CDH18: variants seen among roughly 807,000 people sequenced by gnomAD.
CDH18 encodes cadherin-18.
A neutral mutation model predicts 67.9 loss-of-function variants in CDH18; 31 were observed. That is an observed-to-expected ratio of 0.46 (90% CI 0.34 to 0.62). The LOEUF is 0.62. Among genes scored for constraint, CDH18 ranks in the 20% least tolerant of loss-of-function variants. CDH18 has a pLI of 0.01. For synonymous variants in CDH18, 362 were observed against 347.2 expected, an observed-to-expected ratio of 1.04 and a Z score of -0.48; for missense variants, 890 against 975.5, an observed-to-expected ratio of 0.91 and a Z score of 1.17.
intron 9 of CDH18, among the ~76,000 whole-genome samples, chr5:19,528,621 G>A (rs1748117503): frequency 6.6e-6 from 1 of 151,798 alleles, no homozygotes; most frequent in African/African-American, 2.4e-5. Context: ...GCTGTTCGGG[G>A]TTAACACCAC....
chr5:19,536,924 T>C (rs1234483627), intron 9 of CDH18, among the ~76,000 whole-genome samples: 1 of 152,138 alleles, frequency 6.6e-6, no homozygotes, highest in Non-Finnish European at 1.5e-5. Context: ...TTCAAAAATA[T>C]AATGTGTAGT....
intron 2 of CDH18, among the ~76,000 whole-genome samples, chr5:20,204,192 G>T (rs771648588): frequency 2.0e-5 from 3 of 151,886 alleles, no homozygotes; most frequent in Non-Finnish European, 2.9e-5. Flanking sequence ...CTCAAAGCAC[G>T]TAATAACCAA....
At chr5:19,864,668 C>G (rs1468460449) in intron 2 of CDH18, among the ~76,000 whole-genome samples, 1 of 152,100 alleles carries the variant, frequency 6.6e-6, no homozygotes, top group Non-Finnish European at 1.5e-5. Context: ...CAAATCTTGG[C>G]CTGGATCTTG....
At chr5:20,335,145 C>T (rs556953902) in intron 1 of CDH18, among the ~76,000 whole-genome samples, 1 of 152,170 alleles carries the variant, frequency 6.6e-6, no homozygotes, top group East Asian at 1.9e-4. Flanking sequence ...TACAAGGCTT[C>T]CTTCCTCCCT....
chr5:19,532,912 C>T (rs1322299918), intron 9 of CDH18, among the ~76,000 whole-genome samples: 1 of 152,138 alleles, frequency 6.6e-6, no homozygotes, highest in African/African-American at 2.4e-5. Flanking sequence ...GATAAGACAT[C>T]TGAAGAAGAT....
intron 10 of CDH18, among the ~76,000 whole-genome samples, chr5:19,503,799 C>T (rs17282755): frequency 0.03 from 4,574 of 152,028 alleles, 114 homozygotes; most frequent in Admixed American, 0.072. Flanking sequence ...AAGAGAAGAA[C>T]GTGCATTTCA....
At chr5:20,261,174 G>C (rs1363966993) in intron 1 of CDH18, among the ~76,000 whole-genome samples, 1 of 152,076 alleles carries the variant, frequency 6.6e-6, no homozygotes, top group East Asian at 1.9e-4. Flanking sequence ...AGTCCCCAAA[G>C]AGTCTTTCAT....
At chr5:20,055,628 C>G (rs1741831881) in intron 2 of CDH18, among the ~76,000 whole-genome samples, 1 of 152,186 alleles carries the variant, frequency 6.6e-6, no homozygotes, top group Admixed American at 6.5e-5. Flanking sequence ...CAACAACTGG[C>G]TTTCAGGAAA....
intron 3 of CDH18, among the ~76,000 whole-genome samples, chr5:19,827,601 C>T (rs370724397): frequency 1.3e-5 from 2 of 151,884 alleles, no homozygotes; most frequent in African/African-American, 2.4e-5. Context: ...CAAAATCATA[C>T]AAAGATGTGG....
At chr5:20,433,003 A>ATT (rs70954657) in intron 1 of CDH18, among the ~76,000 whole-genome samples, 32,574 of 148,692 alleles carry the variant, frequency 0.22, 3,722 homozygotes, top group East Asian at 0.3. Context: ...CTATTTAGTC[A>ATT]TTGTGTGTAT....
At chr5:20,497,296 A>T (rs1240824077) in intron 1 of CDH18, among the ~76,000 whole-genome samples, 1 of 152,168 alleles carries the variant, frequency 6.6e-6, no homozygotes, top group African/African-American at 2.4e-5. Context: ...ACAAATTTAA[A>T]ATATATCACA....
chr5:20,303,992 G>A, intron 1 of CDH18: 1 of 974,938 alleles, frequency 1.0e-6, no homozygotes. Flanking sequence ...AAGTCGAAGG[G>A]ATGGTGGAAG....
intron 1 of CDH18, among the ~76,000 whole-genome samples, chr5:20,475,000 A>G (rs1752338540): frequency 6.6e-6 from 1 of 152,006 alleles, no homozygotes; most frequent in Non-Finnish European, 1.5e-5. Context: ...AGCAGAAGCC[A>G]TCATTGTAAT....
chr5:19,649,780 T>C (rs1485943070), intron 5 of CDH18, among the ~76,000 whole-genome samples: 2 of 152,024 alleles, frequency 1.3e-5, no homozygotes, highest in Non-Finnish European at 2.9e-5. Flanking sequence ...ATTAAATGGC[T>C]ACCTTTTTTT....
At chr5:20,376,282 A>G (rs1183306150) in intron 1 of CDH18, among the ~76,000 whole-genome samples, 1 of 150,498 alleles carries the variant, frequency 6.6e-6, no homozygotes, top group East Asian at 2.0e-4. Flanking sequence ...TTTAGTAGAG[A>G]CGGGGTTTCG....
At chr5:19,897,960 G>A (rs1427713286) in intron 2 of CDH18, among the ~76,000 whole-genome samples, 1 of 152,046 alleles carries the variant, frequency 6.6e-6, no homozygotes, top group African/African-American at 2.4e-5. Flanking sequence ...GAACATGGGT[G>A]AGTTCACTCC....
intron 2 of CDH18, among the ~76,000 whole-genome samples, chr5:20,203,336 A>G (rs1056081577): frequency 1.3e-5 from 2 of 152,168 alleles, no homozygotes; most frequent in Non-Finnish European, 2.9e-5. Context: ...CCTGCCCTGT[A>G]ACTCAGCCAA....
rs1738560727 is a variant in CDH18, at chr5:20,022,980, A to G, written c.-517-30966T>C. Among the ~76,000 whole-genome samples, 3 of 152,284 alleles carry G rather than the reference A, an allele frequency of 2.0e-5. No homozygotes were observed. The South Asian group carries it at 6.2e-4, about 32-fold the overall frequency. ...TGACTTTCAACTCTCAGAGAGAGCC[A>G]AATTTTCTTTTTCACAATCTACCTT... On this transcript the variant is annotated intron_variant, in intron 2 of 14. Transcript: ENST00000507958.
At chr5:20,336,724 C>CAAAAAAAAAAAAAAAAAAAAAAAA (rs59083214) in intron 1 of CDH18, among the ~76,000 whole-genome samples, 2 of 63,480 alleles carry the variant, frequency 3.2e-5, no homozygotes, top group Non-Finnish European at 2.8e-5. Flanking sequence ...GCCTCTGTCT[C>CAAAAAAAAAAAAAAAAAAAAAAAA]AAAAAAAAAA....
Sources: gnomAD v4.1 joint callset for allele counts (sites outside exome capture counted in the v4.1 genomes callset) on GRCh38, gnomAD v4.1.1 for gene constraint, MANE v1.5 for transcripts, NCBI Gene and HGNC (gene_info 2026-07-23, HGNC 2026-07-21) for gene names.